CAST: variants seen among roughly 807,000 people sequenced by gnomAD.
CAST encodes the protein MIR583 host.
A neutral mutation model predicts 119.6 loss-of-function variants in CAST; 76 were observed. The observed-to-expected ratio is 0.64, with a 90% confidence interval of 0.53 to 0.77. CAST has a LOEUF of 0.77. Among genes scored for constraint, CAST ranks in the 30% least tolerant of loss-of-function variants. The probability of loss-of-function intolerance (pLI) is 0.00; values close to 1 mark genes in which losing one functional copy is unlikely to be tolerated. For synonymous variants in CAST, 319 were observed against 331.6 expected (o/e 0.96, Z 0.41); for missense variants, 953 against 946.5 (o/e 1.01, Z -0.09).
Position 96,756,184 on chromosome 5 carries a change from G to A in CAST, c.1711-1260G>A, listed in dbSNP as rs76068947. The stretch of plus-strand genomic sequence containing the variant: ...CCATCAGGTCTCCTCAGTGAGATTT[G>A]GCTCCCCGAGGGCAGGCCACAACCT... On this transcript the variant is annotated intron_variant, in intron 22 of 31. Transcript: ENST00000675179. Among the ~76,000 whole-genome samples, 114 of 152,220 alleles carry A rather than the reference G, an allele frequency of 7.5e-4. 1 individual carries two copies. The highest frequency in any genetic ancestry group is 2.7e-3 in the African/African-American group (113 of 41,536).
the CAST span, among the ~76,000 whole-genome samples, chr5:96,029,982 T>A: frequency 6.6e-6 from 1 of 152,148 alleles, no homozygotes; most frequent in African/African-American, 2.4e-5. Flanking sequence ...ACTTGACATT[T>A]CTTGTTAATA....
chr5:96,542,310 A>G (rs1745928962), intron 1 of CAST, among the ~76,000 whole-genome samples: 3 of 33,802 alleles, frequency 8.9e-5, no homozygotes, highest in South Asian at 3.8e-3. Flanking sequence ...CTTAGTCTCA[A>G]AAAAAAAAAA....
chr5:96,077,892 A>C, the CAST span, among the ~76,000 whole-genome samples: 2 of 152,214 alleles, frequency 1.3e-5, no homozygotes, highest in African/African-American at 4.8e-5. Flanking sequence ...AATCTGTTTT[A>C]CTATTTCTGT....
the CAST span, chr5:96,432,068 A>G: frequency 6.6e-7 from 1 of 1,524,044 alleles, no homozygotes. Context: ...AATTCCCGGG[A>G]AAACGATTAC....
chr5:96,749,957 C>G (rs1764624348), intron 19 of CAST, among the ~76,000 whole-genome samples: 1 of 152,052 alleles, frequency 6.6e-6, no homozygotes, highest in African/African-American at 2.4e-5. Context: ...TAGACTCTAC[C>G]CCCAAAGTTT....
At chr5:96,088,691 G>A in the CAST span, among the ~76,000 whole-genome samples, 6 of 152,166 alleles carry the variant, frequency 3.9e-5, no homozygotes. Context: ...TTTTCCTTTT[G>A]TTTCAGTATA....
rs1036732586 is a variant in CAST at position 96,766,129 on chromosome 5, T to C, written c.2114T>C (p.Leu705Pro). 3 of 1,600,802 alleles carry C rather than the reference T, an allele frequency of 1.9e-6. No homozygotes were observed. The highest frequency in any genetic ancestry group is 2.6e-6 in the Non-Finnish European group (3 of 1,168,814). Reference sequence around the variant, plus strand: ...ATCCCACCTGAATACAGACATCTCCTGGATGATAATGGACAGGTAAACTGA... The same window carrying C: ...ATCCCACCTGAATACAGACATCTCCCGGATGATAATGGACAGGTAAACTGA... ...DTIPPEYRHL[L>P]DDNGQDKPVK... is the part of the protein sequence containing the mutation. Residue 705 changes from leucine (L) to proline (P), a missense_variant, in exon 27 of 32, where the codon CTG becomes CCG. Leu to Pro is a moderately conservative substitution (Grantham distance 98). Transcript: ENST00000675179.
the CAST span, among the ~76,000 whole-genome samples, chr5:96,399,453 C>G: frequency 6.6e-6 from 1 of 152,008 alleles, no homozygotes; most frequent in African/African-American, 2.4e-5. Flanking sequence ...TCTTCTGTGA[C>G]AAGATGTGGT....
chr5:96,187,390 A>C, the CAST span, among the ~76,000 whole-genome samples: 1 of 151,896 alleles, frequency 6.6e-6, no homozygotes, highest in South Asian at 2.1e-4. Flanking sequence ...CTATAGCTTC[A>C]GGGTTTGTTT....
At chr5:96,148,352 A>G in the CAST span, among the ~76,000 whole-genome samples, 1 of 152,190 alleles carries the variant, frequency 6.6e-6, no homozygotes, top group Non-Finnish European at 1.5e-5. Context: ...GGCACACTAA[A>G]ATACTGTCTG....
At chr5:96,039,203 A>G in the CAST span, among the ~76,000 whole-genome samples, 1 of 151,836 alleles carries the variant, frequency 6.6e-6, no homozygotes, top group Non-Finnish European at 1.5e-5. Context: ...TCCTTTGCCC[A>G]TTTTTTTGAT....
chr5:96,198,892 G>T, the CAST span, among the ~76,000 whole-genome samples: 1 of 152,106 alleles, frequency 6.6e-6, no homozygotes, highest in Admixed American at 6.6e-5. Flanking sequence ...AAGCACAATT[G>T]TGTGCTGTCA....
At chr5:96,487,369 A>C in the CAST span, among the ~76,000 whole-genome samples, 1 of 152,244 alleles carries the variant, frequency 6.6e-6, no homozygotes, top group Non-Finnish European at 1.5e-5. Flanking sequence ...GCATAATAAC[A>C]TTTAACATAC....
At chr5:96,385,661 A>G in the CAST span, among the ~76,000 whole-genome samples, 1 of 152,228 alleles carries the variant, frequency 6.6e-6, no homozygotes. Context: ...TTCAAATAAC[A>G]GAAAAGAATC....
At chr5:96,203,360 G>T in the CAST span, among the ~76,000 whole-genome samples, 1 of 151,822 alleles carries the variant, frequency 6.6e-6, no homozygotes, top group East Asian at 1.9e-4. Context: ...TCCTTGGACA[G>T]CTTAGTTAAG....
chr5:96,222,811 C>T, the CAST span, among the ~76,000 whole-genome samples: 1 of 152,060 alleles, frequency 6.6e-6, no homozygotes, highest in Admixed American at 6.6e-5. Flanking sequence ...TACCTGCACC[C>T]CTATGTTTAT....
chr5:96,691,652 T>C (rs1300956275), intron 2 of CAST, among the ~76,000 whole-genome samples: 1 of 152,208 alleles, frequency 6.6e-6, no homozygotes, highest in Non-Finnish European at 1.5e-5. Context: ...TTGTAACTCA[T>C]TTAACCCTCA....
At chr5:96,297,283 A>G in the CAST span, among the ~76,000 whole-genome samples, 2 of 152,230 alleles carry the variant, frequency 1.3e-5, no homozygotes, top group Non-Finnish European at 2.9e-5. Flanking sequence ...TTCAAGGAAC[A>G]ACAACTGCTT....
the CAST span, among the ~76,000 whole-genome samples, chr5:96,351,769 G>T: frequency 3.3e-5 from 5 of 152,198 alleles, no homozygotes; most frequent in Admixed American, 3.3e-4. Context: ...GTTCTTTTAT[G>T]TTTAACTATA....
Sources: allele counts gnomAD v4.1 joint callset (sites outside exome capture counted in the v4.1 genomes callset), GRCh38; gene constraint gnomAD v4.1.1; transcripts MANE v1.5; gene names NCBI Gene and HGNC (gene_info 2026-07-23, HGNC 2026-07-21).